The following BLTP2 variants were observed in gnomAD, a reference collection of about 807,000 sequenced individuals.
BLTP2 encodes bridge-like lipid transfer protein family member 2, also known as U937-associated antigen.
chr17:28,638,916 C>T, the BLTP2 span: 2 of 439,952 alleles, frequency 4.5e-6, no homozygotes, highest in South Asian at 6.0e-5. Context: ...ATACTATACG[C>T]TTGAACCTAA....
At chr17:28,624,211 G>GT in the BLTP2 span, 2 of 1,609,950 alleles carry the variant, frequency 1.2e-6, no homozygotes, top group Non-Finnish European at 1.7e-6. Context: ...TGATGTTGAG[G>GT]TAACTTGTAA....
the BLTP2 span, chr17:28,617,146 C>A: frequency 7.8e-7 from 1 of 1,282,340 alleles, no homozygotes; most frequent in South Asian, 1.2e-5. Context: ...CATTGTTTTC[C>A]ATAGTGGATT....
the BLTP2 span, chr17:28,624,229 G>GTACC: frequency 5.6e-6 from 9 of 1,613,114 alleles, no homozygotes; most frequent in Non-Finnish European, 7.6e-6. Context: ...TAAAGAGAAG[G>GTACC]TACCTGACAG....
the BLTP2 span, chr17:28,635,169 G>C: frequency 6.2e-7 from 1 of 1,613,982 alleles, no homozygotes; most frequent in Non-Finnish European, 8.5e-7. Flanking sequence ...GCAGCGCAGG[G>C]AAGGGGTTCC....
chr17:28,639,252 T>G, the BLTP2 span: 24 of 1,567,340 alleles, frequency 1.5e-5, no homozygotes, highest in South Asian at 3.4e-5. Context: ...GATGCCAATT[T>G]GGACCAAAAG....
the BLTP2 span, chr17:28,639,203 T>C: frequency 1.9e-6 from 2 of 1,044,430 alleles, no homozygotes; most frequent in Admixed American, 1.8e-5. Flanking sequence ...GAGACTCGGA[T>C]TTGAGGAGGT....
the BLTP2 span, chr17:28,643,033 T>C: frequency 4.0e-6 from 6 of 1,500,578 alleles, no homozygotes; most frequent in African/African-American, 2.8e-5. Flanking sequence ...GTTAAGGAAC[T>C]GCCCTTCCTT....
At chr17:28,624,892 T>C in the BLTP2 span, among the ~76,000 whole-genome samples, 2 of 152,174 alleles carry the variant, frequency 1.3e-5, no homozygotes, top group Admixed American at 6.5e-5. Flanking sequence ...CTACTCTTTC[T>C]CTTAATGGGT....
At chr17:28,628,141 AAAT>A in the BLTP2 span, 1 of 850,590 alleles carries the variant, frequency 1.2e-6, no homozygotes, top group South Asian at 1.7e-5. Context: ...TAAGAAGGAA[AAAT>A]AATAGTTTCA....
chr17:28,620,163 C>A, the BLTP2 span: 1 of 733,768 alleles, frequency 1.4e-6, no homozygotes, highest in Non-Finnish European at 2.2e-6. Flanking sequence ...AGTAGTAGGT[C>A]AATGCAGAAA....
the BLTP2 span, among the ~76,000 whole-genome samples, chr17:28,627,003 G>A: frequency 8.5e-5 from 13 of 152,266 alleles, no homozygotes; most frequent in East Asian, 1.9e-4. Context: ...AGACTGAGTC[G>A]TCAACCTTTG....
At chr17:28,633,789 C>G in the BLTP2 span, 1 of 1,602,992 alleles carries the variant, frequency 6.2e-7, no homozygotes, top group Non-Finnish European at 8.5e-7. Context: ...TTGTTCACAA[C>G]ATTACCCCTC....
At chr17:28,636,676 A>G in the BLTP2 span, among the ~76,000 whole-genome samples, 1 of 152,180 alleles carries the variant, frequency 6.6e-6, no homozygotes, top group Non-Finnish European at 1.5e-5. Context: ...AAAGTTAAAA[A>G]CATACGAGCT....
At chr17:28,634,394 C>T in the BLTP2 span, 3 of 564,608 alleles carry the variant, frequency 5.3e-6, no homozygotes. Context: ...GCCCACCCAT[C>T]CCACTCCACC....
At chr17:28,615,520 A>C in the BLTP2 span, 1 of 948,102 alleles carries the variant, frequency 1.1e-6, no homozygotes. Context: ...GGTCATGGAG[A>C]GGGTAGGCAT....
At chr17:28,632,123 G>A in the BLTP2 span, 1 of 1,614,220 alleles carries the variant, frequency 6.2e-7, no homozygotes. Flanking sequence ...CTGGGTTTCA[G>A]GTTATTGAAG....
chr17:28,632,257 G>A, the BLTP2 span: 1 of 1,578,358 alleles, frequency 6.3e-7, no homozygotes. Flanking sequence ...GAGAAAGACA[G>A]ACATTTCCTA....
the BLTP2 span, chr17:28,616,190 A>ACAGGGTG: frequency 6.2e-7 from 1 of 1,613,972 alleles, no homozygotes; most frequent in Non-Finnish European, 8.5e-7. The surrounding 1 kb of genome is among the most constrained non-coding windows in gnomAD (Gnocchi z 4.8). Flanking sequence ...AATGTCATCC[A>ACAGGGTG]CAGGGTGCTA....
chr17:28,627,941 G>A, the BLTP2 span, among the ~76,000 whole-genome samples: 12 of 152,260 alleles, frequency 7.9e-5, no homozygotes, highest in African/African-American at 2.9e-4. Flanking sequence ...AATTACAGGA[G>A]TGAGCCACTG....
Sources: allele counts gnomAD v4.1 joint callset (sites outside exome capture counted in the v4.1 genomes callset), GRCh38; gene constraint gnomAD v4.1.1; non-coding constraint Gnocchi (gnomAD v3.1); transcripts MANE v1.5; gene names NCBI Gene and HGNC (gene_info 2026-07-23, HGNC 2026-07-21).